Variants in SUCLG2 observed in about 807,000 individuals in gnomAD.
SUCLG2 encodes the protein succinate-CoA ligase GDP-forming subunit beta, also known as succinate--CoA ligase [GDP-forming] subunit beta, mitochondrial.
In SUCLG2, 42 loss-of-function variants were observed where a neutral mutation model predicts 47.9. That is an observed-to-expected ratio of 0.88 (90% CI 0.69 to 1.14). The LOEUF is 1.14. Ranked by LOEUF, SUCLG2 falls within the 50% of genes most tolerant of loss-of-function variation. SUCLG2 has a pLI of 0.00. For missense variants in SUCLG2, 571 were observed against 525.9 expected (o/e 1.09, Z -0.84); for synonymous variants, 195 against 197.3 (o/e 0.99, Z 0.10).
intron 2 of SUCLG2, among the ~76,000 whole-genome samples, chr3:67,570,753 T>A (rs998893319): frequency 6.6e-6 from 1 of 152,166 alleles, no homozygotes; most frequent in African/African-American, 2.4e-5. Context: ...TGACTCCATA[T>A]GGAGAGGACA....
chr3:67,552,284 C>T (rs1707037241), intron 2 of SUCLG2, among the ~76,000 whole-genome samples: 5 of 151,974 alleles, frequency 3.3e-5, no homozygotes, highest in Non-Finnish European at 2.9e-5. Context: ...GTGCCCATCA[C>T]GTATCTCACA....
intron 9 of SUCLG2, among the ~76,000 whole-genome samples, chr3:67,434,029 G>A (rs1703554502): frequency 1.3e-5 from 2 of 152,306 alleles, no homozygotes; most frequent in South Asian, 4.1e-4. Flanking sequence ...ACTAGAGGTT[G>A]ACAAAGTGCA....
chr3:67,519,785 T>C (rs1457805424), intron 5 of SUCLG2, among the ~76,000 whole-genome samples: 1 of 152,236 alleles, frequency 6.6e-6, no homozygotes, highest in Non-Finnish European at 1.5e-5. Context: ...TCCTCATAGC[T>C]GACGTAGGTT....
At chr3:67,600,319 A>G (rs1017312209) in intron 2 of SUCLG2, among the ~76,000 whole-genome samples, 2 of 152,230 alleles carry the variant, frequency 1.3e-5, no homozygotes, top group Non-Finnish European at 2.9e-5. Flanking sequence ...GGCTCAAAAC[A>G]CTGGCTCAGT....
At chr3:67,396,708 A>C (rs1702538910) in intron 10 of SUCLG2, among the ~76,000 whole-genome samples, 1 of 152,210 alleles carries the variant, frequency 6.6e-6, no homozygotes, top group Admixed American at 6.5e-5. Flanking sequence ...AGCCTGGCAG[A>C]GACACAACCA....
chr3:67,460,154 T>C (rs11920877), intron 9 of SUCLG2, among the ~76,000 whole-genome samples: 81,584 of 152,108 alleles, frequency 0.54, 22,964 homozygotes, highest in Non-Finnish European at 0.63. Flanking sequence ...CCCTGCCTTA[T>C]ACCAATTAAT....
intron 1 of SUCLG2, among the ~76,000 whole-genome samples, chr3:67,621,980 A>G (rs1559600917): frequency 6.6e-6 from 1 of 152,148 alleles, no homozygotes; most frequent in African/African-American, 2.4e-5. Flanking sequence ...ACTTTCTTCC[A>G]TTATTTAATA....
chr3:67,545,622 T>G (rs891773161), intron 2 of SUCLG2, among the ~76,000 whole-genome samples: 1 of 152,196 alleles, frequency 6.6e-6, no homozygotes, highest in Non-Finnish European at 1.5e-5. Context: ...TATTTGGCTT[T>G]CAAGGGTTGT....
At chr3:67,505,009 T>C (rs1226216060) in intron 7 of SUCLG2, among the ~76,000 whole-genome samples, 3 of 152,246 alleles carry the variant, frequency 2.0e-5, no homozygotes, top group Non-Finnish European at 4.4e-5. Flanking sequence ...GGTTGCATCT[T>C]TCTGGTAGGC....
chr3:67,420,507 T>A (rs1051615078), intron 9 of SUCLG2, among the ~76,000 whole-genome samples: 2 of 152,170 alleles, frequency 1.3e-5, no homozygotes, highest in African/African-American at 4.8e-5. Flanking sequence ...TGTGGGATGG[T>A]GTGGGAAATA....
At chr3:67,426,835 G>C (rs72918956) in intron 9 of SUCLG2, among the ~76,000 whole-genome samples, 1 of 152,080 alleles carries the variant, frequency 6.6e-6, no homozygotes, top group Non-Finnish European at 1.5e-5. Context: ...GGCTGAGGAG[G>C]GGAATCACTT....
At chr3:67,525,089 T>C (rs1706218091) in intron 4 of SUCLG2, among the ~76,000 whole-genome samples, 1 of 152,174 alleles carries the variant, frequency 6.6e-6, no homozygotes, top group Admixed American at 6.5e-5. Flanking sequence ...ATACCAAACG[T>C]ATATGCTGAA....
At chr3:67,578,700 A>G (rs1360698183) in intron 2 of SUCLG2, among the ~76,000 whole-genome samples, 2 of 152,192 alleles carry the variant, frequency 1.3e-5, no homozygotes, top group Non-Finnish European at 2.9e-5. Flanking sequence ...GTGTCTGGGA[A>G]TCATCCCTGA....
At chr3:67,401,414 A>G (rs768219311) in intron 9 of SUCLG2, among the ~76,000 whole-genome samples, 18 of 152,120 alleles carry the variant, frequency 1.2e-4, no homozygotes, top group Non-Finnish European at 2.6e-4. Context: ...CCTTTTGATT[A>G]AAAAAAGACT....
At chr3:67,549,272 C>A (rs1369416377) in intron 2 of SUCLG2, among the ~76,000 whole-genome samples, 1 of 152,106 alleles carries the variant, frequency 6.6e-6, no homozygotes, top group East Asian at 1.9e-4. Context: ...AATGAAGTGA[C>A]GAAAACGACT....
chr3:67,649,948 C>T (rs1169091536), intron 1 of SUCLG2, among the ~76,000 whole-genome samples: 4 of 152,162 alleles, frequency 2.6e-5, no homozygotes, highest in Non-Finnish European at 5.9e-5. Context: ...CAGGAATGTT[C>T]TCACTACTGT....
intron 7 of SUCLG2, among the ~76,000 whole-genome samples, chr3:67,502,362 T>A (rs1018953738): frequency 2.0e-5 from 3 of 152,234 alleles, no homozygotes; most frequent in Non-Finnish European, 4.4e-5. Flanking sequence ...CTAAATGATT[T>A]TCCTTGAACC....
chr3:67,599,289 TTTG>T (rs1250641794), intron 2 of SUCLG2, among the ~76,000 whole-genome samples: 1 of 151,944 alleles, frequency 6.6e-6, no homozygotes, highest in Non-Finnish European at 1.5e-5. Flanking sequence ...AAAGAAAGAA[TTTG>T]GACGAAGGCA....
At chr3:67,416,115 CAT>C (rs1421996086) in intron 9 of SUCLG2, among the ~76,000 whole-genome samples, 2 of 152,324 alleles carry the variant, frequency 1.3e-5, no homozygotes, top group South Asian at 4.1e-4. Flanking sequence ...GTGAACCTGG[CAT>C]ACTTCTTGAC....
Sources: gnomAD v4.1 joint callset for allele counts (sites outside exome capture counted in the v4.1 genomes callset) on GRCh38, gnomAD v4.1.1 for gene constraint, MANE v1.5 for transcripts, NCBI Gene and HGNC (gene_info 2026-07-23, HGNC 2026-07-21) for gene names.